RBFOX1: variants seen among roughly 807,000 people sequenced by gnomAD.
The protein encoded by RBFOX1 is RNA binding fox-1 homolog 1.
A neutral mutation model predicts 57.7 loss-of-function variants in RBFOX1; 8 were observed. That is an observed-to-expected ratio of 0.14 (90% CI 0.08 to 0.25). The LOEUF is 0.25. Among genes scored for constraint, RBFOX1 ranks in the 10% least tolerant of loss-of-function variants. The pLI is 1.00. For missense variants in RBFOX1, 611 were observed against 548.5 expected, an observed-to-expected ratio of 1.11 and a Z score of -1.14; for synonymous variants, 326 against 222.4, an observed-to-expected ratio of 1.47 and a Z score of -4.15.
intron 4 of RBFOX1, among the ~76,000 whole-genome samples, chr16:7,271,198 C>T (rs201104678): frequency 5.3e-5 from 8 of 152,156 alleles, no homozygotes; most frequent in African/African-American, 1.2e-4. Flanking sequence ...AGACGGGATG[C>T]ACTTGAGCAT....
Position 6,351,367 on chromosome 16 carries a change from TA to T in RBFOX1, c.-64+34311del, listed in dbSNP as rs1190646341. Among the ~76,000 whole-genome samples the T allele has an allele frequency of 1.9e-3, 188 of 98,556 alleles. 2 individuals are homozygous for T. The highest frequency in any genetic ancestry group is 9.4e-3 in the African/African-American group (178 of 18,928). 64.7% of individuals were successfully genotyped at this position (98,556 alleles called of 152,430 possible). A position where few individuals can be genotyped will look rare whatever the true frequency, so the allele number is the denominator to read the frequency against. Reference sequence around the variant, plus strand: ...GTGTGTGTGTGTATATATATATATATATATATTTTTTTTTTTTTTTCTTGAG... The same window carrying T: ...GTGTGTGTGTGTATATATATATATATTATATTTTTTTTTTTTTTTCTTGAG... On this transcript the variant is annotated intron_variant, in intron 2 of 15. Coordinates refer to ENST00000550418, the MANE Select transcript of RBFOX1 (RefSeq NM_018723.4).
chr16:5,474,169 A>G (rs2069236767), intron 2 of RBFOX1, among the ~76,000 whole-genome samples: 1 of 152,218 alleles, frequency 6.6e-6, no homozygotes, highest in Non-Finnish European at 1.5e-5. Flanking sequence ...TGGATTATTC[A>G]AACCCTACCC....
chr16:6,001,854 C>G (rs763998603), intron 4 of RBFOX1, among the ~76,000 whole-genome samples: 26 of 152,138 alleles, frequency 1.7e-4, no homozygotes, highest in Non-Finnish European at 3.1e-4. Context: ...CAATGGGACT[C>G]AGAACCCTCT....
chr16:5,625,358 C>T (rs1472545046), intron 3 of RBFOX1, among the ~76,000 whole-genome samples: 3 of 152,048 alleles, frequency 2.0e-5, no homozygotes, highest in Non-Finnish European at 4.4e-5. Context: ...ATGCTCACTG[C>T]AGTTCTCAGA....
intron 2 of RBFOX1, among the ~76,000 whole-genome samples, chr16:5,580,075 G>A (rs548907178): frequency 9.8e-4 from 149 of 152,264 alleles, no homozygotes; most frequent in African/African-American, 3.1e-3. Context: ...CCAGCTGGCA[G>A]TTAATTCTTT....
At chr16:6,508,531 C>T (rs2153768320) in intron 2 of RBFOX1, among the ~76,000 whole-genome samples, 1 of 152,240 alleles carries the variant, frequency 6.6e-6, no homozygotes, top group South Asian at 2.1e-4. Flanking sequence ...TCCTACTGTG[C>T]TTAGAAAGAG....
At chr16:6,998,529 A>G (rs1436255968) in intron 3 of RBFOX1, among the ~76,000 whole-genome samples, 1 of 152,190 alleles carries the variant, frequency 6.6e-6, no homozygotes, top group African/African-American at 2.4e-5. Context: ...GCAAGAGACA[A>G]AGTTCTAAAT....
chr16:5,767,176 G>A (rs1408544402), intron 3 of RBFOX1, among the ~76,000 whole-genome samples: 1 of 152,206 alleles, frequency 6.6e-6, no homozygotes, highest in Non-Finnish European at 1.5e-5. Context: ...AAGGGTGAGG[G>A]ATAGCTTGGT....
At chr16:6,122,952 G>T (rs1034653673) in intron 1 of RBFOX1, among the ~76,000 whole-genome samples, 1 of 132,000 alleles carries the variant, frequency 7.6e-6, no homozygotes, top group South Asian at 2.6e-4. Flanking sequence ...CAATTTTTCA[G>T]CAAACCATAA....
Position 5,949,917 on chromosome 16 carries a change from C to A in RBFOX1, c.351+82582C>A, listed in dbSNP as rs560794870. On this transcript the variant is annotated intron_variant, in intron 4 of 19. Coordinates refer to the RBFOX1 transcript ENST00000641259. ...GGTCATAGAGTGTCTGTCTCATAAT[C>A]TGGGCCTCTCTGACTGGCCCCCCAG... Among the ~76,000 whole-genome samples the A allele has an allele frequency of 2.0e-5, 3 of 152,338 alleles. No homozygotes were observed. The East Asian group carries it at 5.8e-4, about 29-fold the overall frequency.
intron 4 of RBFOX1, among the ~76,000 whole-genome samples, chr16:7,442,179 C>T (rs567987205): frequency 1.3e-5 from 2 of 152,082 alleles, no homozygotes; most frequent in Non-Finnish European, 2.9e-5. Context: ...ACCTTTTGGC[C>T]TTCGTTCTGC....
chr16:7,207,620 T>A (rs2090258697), intron 4 of RBFOX1, among the ~76,000 whole-genome samples: 1 of 152,210 alleles, frequency 6.6e-6, no homozygotes, highest in Non-Finnish European at 1.5e-5. Context: ...CAGTGCTCCT[T>A]GCTGAGAACA....
intron 1 of RBFOX1, chr16:5,366,647 A>G (rs891140271): frequency 3.7e-5 from 16 of 431,928 alleles, no homozygotes; most frequent in Non-Finnish European, 7.1e-5. Flanking sequence ...ATGACTGACC[A>G]GGAGGCTATT....
chr16:6,786,051 G>A (rs575594455), intron 3 of RBFOX1, among the ~76,000 whole-genome samples: 25 of 152,152 alleles, frequency 1.6e-4, no homozygotes, highest in Non-Finnish European at 2.6e-4. Context: ...GTCTGCACTG[G>A]GGAGGATGTA....
At chr16:6,156,159 T>A (rs375908288) in intron 1 of RBFOX1, among the ~76,000 whole-genome samples, 4 of 152,198 alleles carry the variant, frequency 2.6e-5, no homozygotes, top group Non-Finnish European at 2.9e-5. Flanking sequence ...TTTTTAAGAA[T>A]CAGTGTCCCT....
intron 3 of RBFOX1, among the ~76,000 whole-genome samples, chr16:5,795,428 C>T (rs907048161): frequency 1.2e-4 from 18 of 152,136 alleles, no homozygotes; most frequent in Non-Finnish European, 1.8e-4. Flanking sequence ...CTCAGCCTCC[C>T]GAGTAGTGGG....
intron 3 of RBFOX1, among the ~76,000 whole-genome samples, chr16:5,782,975 C>G (rs1254236510): frequency 6.6e-6 from 1 of 152,152 alleles, no homozygotes; most frequent in Non-Finnish European, 1.5e-5. Context: ...GGGTGAGGGT[C>G]ATTCACTTTG....
chr16:5,845,055 G>A (rs1026053602), intron 3 of RBFOX1, among the ~76,000 whole-genome samples: 2 of 132,692 alleles, frequency 1.5e-5, no homozygotes, highest in African/African-American at 3.1e-5. Context: ...CTAATTACCC[G>A]AGATTCTTTT....
intron 14 of RBFOX1, among the ~76,000 whole-genome samples, chr16:7,678,589 G>T (rs1181198889): frequency 4.6e-5 from 7 of 151,636 alleles, no homozygotes; most frequent in Non-Finnish European, 4.4e-5. Context: ...GATTTATCTT[G>T]CTTTTCAGTA....
Sources: allele counts gnomAD v4.1 joint callset (sites outside exome capture counted in the v4.1 genomes callset), GRCh38; gene constraint gnomAD v4.1.1; transcripts MANE v1.5; gene names NCBI Gene and HGNC (gene_info 2026-07-23, HGNC 2026-07-21).